The following NHSL2 variants were observed in gnomAD, a reference collection of about 807,000 sequenced individuals.
NHSL2 encodes the protein NHS like 2.
A neutral mutation model predicts 53.4 loss-of-function variants in NHSL2; 27 were observed. That is an observed-to-expected ratio of 0.51 (90% CI 0.37 to 0.70). NHSL2 has a LOEUF of 0.70. Ranked by LOEUF, NHSL2 falls within the 30% of genes least tolerant of loss-of-function variation. The pLI, the probability that NHSL2 is intolerant of heterozygous loss-of-function variation, is 0.00. For missense variants in NHSL2, 892 were observed against 980.1 expected (o/e 0.91, Z 1.20); for synonymous variants, 408 against 404.1 (o/e 1.01, Z -0.12).
chrX:71,975,931 T>C lies in NHSL2; in HGVS notation c.280+64564T>C, dbSNP rs745633398. Among the ~76,000 whole-genome samples, 5 of 111,759 alleles carry C rather than the reference T, an allele frequency of 4.5e-5. No individual in the cohort carries two copies. The South Asian group carries it at 1.9e-3, about 42-fold the overall frequency. On this transcript the variant is annotated intron_variant, in intron 1 of 7. Coordinates refer to ENST00000633930, the MANE Select transcript of NHSL2 (RefSeq NM_001013627.3). ...TAAATGTTGAAAACTATTCTTTTTT[T>C]CCCCAAGAACCTGGGGAAAGTAGCA... is the stretch of plus-strand genomic sequence containing the variant.
At chrX:72,088,801 C>T (rs920066399) in intron 1 of NHSL2, among the ~76,000 whole-genome samples, 1 of 112,223 alleles carries the variant, frequency 8.9e-6, no homozygotes, top group African/African-American at 3.2e-5. Context: ...CTGGGTACCA[C>T]CTCAAATCGC....
chrX:72,049,401 C>G (rs189211814), intron 1 of NHSL2, among the ~76,000 whole-genome samples: 3 of 111,119 alleles, frequency 2.7e-5, no homozygotes, highest in African/African-American at 9.8e-5. Context: ...TATCCTGGGG[C>G]CACTTTTTCC....
intron 1 of NHSL2, among the ~76,000 whole-genome samples, chrX:72,075,901 A>AGTGTGTGTGTGTGTGTGTGT (rs10637913): frequency 3.2e-5 from 3 of 93,395 alleles, no homozygotes; most frequent in African/African-American, 1.2e-4. Flanking sequence ...GGGGGAGCAC[A>AGTGTGTGTGTGTGTGTGTGT]GTGTGTGTGT....
At chrX:72,082,282 G>A (rs1267180475) in intron 1 of NHSL2, among the ~76,000 whole-genome samples, 2 of 111,236 alleles carry the variant, frequency 1.8e-5, no homozygotes, top group South Asian at 3.8e-4. Flanking sequence ...GCGAGGGTGG[G>A]GAAGGAAGCA....
chrX:71,963,973 A>G (rs1345216679), intron 1 of NHSL2, among the ~76,000 whole-genome samples: 2 of 44,343 alleles, frequency 4.5e-5, no homozygotes, highest in Non-Finnish European at 7.1e-5. Flanking sequence ...ATATATATAT[A>G]CATATATATA....
intron 1 of NHSL2, among the ~76,000 whole-genome samples, chrX:72,006,283 C>T (rs948458547): frequency 2.7e-5 from 3 of 112,356 alleles, no homozygotes; most frequent in African/African-American, 9.7e-5. Context: ...TTCTCACCCA[C>T]TGCGATCCAG....
intron 1 of NHSL2, among the ~76,000 whole-genome samples, chrX:72,022,666 G>A (rs941486921): frequency 8.9e-6 from 1 of 111,780 alleles, no homozygotes. Context: ...ATCTCACTGG[G>A]GAGTAGGGTT....
intron 1 of NHSL2, among the ~76,000 whole-genome samples, chrX:71,922,748 T>C (rs1238351973): frequency 8.9e-6 from 1 of 112,236 alleles, no homozygotes; most frequent in Non-Finnish European, 1.9e-5. Flanking sequence ...ATGCTGAAAA[T>C]TGAAGAAAAG....
intron 1 of NHSL2, chrX:72,069,643 G>A: frequency 2.2e-6 from 2 of 924,562 alleles, no homozygotes; most frequent in Non-Finnish European, 2.7e-6. Flanking sequence ...AGGAGGAGGA[G>A]GAGGTGGCAG....
At chrX:72,098,505 C>T (rs953510486) in intron 1 of NHSL2, among the ~76,000 whole-genome samples, 1 of 106,554 alleles carries the variant, frequency 9.4e-6, no homozygotes, top group East Asian at 2.9e-4. Flanking sequence ...GGCGTGAACC[C>T]GGGAGACGGA....
intron 3 of NHSL2, 48 bp downstream of exon 3, chrX:72,134,266 A>G: frequency 8.0e-6 from 9 of 1,126,119 alleles, no homozygotes; most frequent in Middle Eastern, 2.4e-4. Context: ...GCACCCACTG[A>G]CAAGAGACCT....
intron 1 of NHSL2, among the ~76,000 whole-genome samples, chrX:72,116,969 T>C (rs912578032): frequency 2.7e-5 from 3 of 111,624 alleles, no homozygotes; most frequent in African/African-American, 9.8e-5. Flanking sequence ...TAGGTTTTTA[T>C]CTCCATTTTG....
intron 1 of NHSL2, among the ~76,000 whole-genome samples, chrX:71,934,082 T>C (rs1280262160): frequency 9.0e-6 from 1 of 111,180 alleles, no homozygotes; most frequent in East Asian, 2.8e-4. Context: ...TGACTTCTAC[T>C]AAATTCTGCC....
chrX:72,067,251 C>T (rs1470651352), intron 1 of NHSL2, among the ~76,000 whole-genome samples: 3 of 111,658 alleles, frequency 2.7e-5, no homozygotes, highest in Non-Finnish European at 5.7e-5. Flanking sequence ...AGGTTGTGAT[C>T]ATTCACTCAT....
intron 1 of NHSL2, among the ~76,000 whole-genome samples, chrX:72,091,578 A>G (rs2041900431): frequency 8.9e-6 from 1 of 112,075 alleles, no homozygotes. Context: ...GCATCACAGC[A>G]TGTGATAAGC....
intron 1 of NHSL2, among the ~76,000 whole-genome samples, chrX:72,055,848 A>G (rs1295257507): frequency 8.9e-6 from 1 of 112,676 alleles, no homozygotes; most frequent in Non-Finnish European, 1.9e-5. Flanking sequence ...TTTACTGGAG[A>G]TTCTAAAAAA....
At chrX:72,084,488 G>A (rs1569478601) in intron 1 of NHSL2, among the ~76,000 whole-genome samples, 1 of 112,421 alleles carries the variant, frequency 8.9e-6, no homozygotes, top group Non-Finnish European at 1.9e-5. Context: ...GACACTTGGG[G>A]AGCTCTGGAG....
chrX:72,132,419 G>A (rs779286787), intron 2 of NHSL2, among the ~76,000 whole-genome samples, 185 bp downstream of exon 2: 72 of 111,477 alleles, frequency 6.5e-4, no homozygotes, highest in Non-Finnish European at 8.1e-4. Flanking sequence ...TATTTCCAGG[G>A]CTGTTTCCCC....
At chrX:72,131,934 C>T (rs1476489842) in intron 1 of NHSL2, 145 bp from the exon 2 acceptor site, 5 of 536,562 alleles carry the variant, frequency 9.3e-6, no homozygotes, top group African/African-American at 4.9e-5. Flanking sequence ...TTGCGGCCGG[C>T]GATTCCCCGC....
Sources: gnomAD v4.1 joint callset for allele counts (sites outside exome capture counted in the v4.1 genomes callset) on GRCh38, gnomAD v4.1.1 for gene constraint, MANE v1.5 for transcripts, NCBI Gene and HGNC (gene_info 2026-07-23, HGNC 2026-07-21) for gene names.